The following DGKZ variants were observed in gnomAD, a reference collection of about 807,000 sequenced individuals.
DGKZ encodes the protein diacylglycerol kinase zeta, also known as DAG kinase zeta.
A neutral mutation model predicts 142.5 loss-of-function variants in DGKZ; 45 were observed. The ratio of observed to expected loss-of-function variants is 0.32; its 90% CI spans 0.25 to 0.40. DGKZ has a LOEUF of 0.40. DGKZ is among the 10% of genes least tolerant of loss of function. The pLI is 1.00. For missense variants in DGKZ, 755 were observed against 1,306.5 expected, an observed-to-expected ratio of 0.58 and a Z score of 6.51; for synonymous variants, 442 against 527.0, an observed-to-expected ratio of 0.84 and a Z score of 2.21.
intron 1 of DGKZ, among the ~76,000 whole-genome samples, chr11:46,363,736 C>T (rs1942946224): frequency 6.6e-6 from 1 of 152,254 alleles, no homozygotes; most frequent in Non-Finnish European, 1.5e-5. Context: ...TGACTAATCT[C>T]CTCCAGGCTG....
At position 46,347,576 on chromosome 11, in the gene DGKZ, C is replaced by T. The variant is rs1236505731; in HGVS notation, c.-84C>T. 9.2e-6 allele frequency: 10 copies of T among 1,092,528 alleles called. No individual in the cohort carries two copies. The highest frequency in any genetic ancestry group is 5.3e-5 in the East Asian group (1 of 19,004). 67.7% of individuals were successfully genotyped at this position (1,092,528 alleles called of 1,614,324 possible). A position where few individuals can be genotyped will look rare whatever the true frequency, so the allele number is the denominator to read the frequency against. ...CGCGCGCCATGGAGGTGGCGGGCGG[C>T]GCGGAGCGGGCGTGCTGAGCCCCGG... On this transcript the variant is annotated 5_prime_UTR_variant, in exon 1 of 31. Coordinates refer to ENST00000527911, the Ensembl canonical transcript of DGKZ. The surrounding 1 kb of genome is among the most constrained non-coding windows in gnomAD (Gnocchi z 6.4).
intron 1 of DGKZ, chr11:46,365,922 G>C (rs1315991641): frequency 1.0e-6 from 1 of 985,328 alleles, no homozygotes; most frequent in African/African-American, 1.7e-5. Context: ...GTGCCTGGAT[G>C]GGGGAAGAAG....
chr11:46,364,958 T>C lies in DGKZ; in HGVS notation c.162-2333T>C, dbSNP rs114884729. ...CAGGACCAGGGCCCAGGAGATCACCTGCTGTGGGGCACAGGTGGCCTCAGG... is the reference window on the plus strand; with the variant it reads ...CAGGACCAGGGCCCAGGAGATCACCCGCTGTGGGGCACAGGTGGCCTCAGG... On this transcript the variant is annotated intron_variant, in intron 1 of 30. Transcript: ENST00000527911. The C allele has an allele frequency of 1.6e-3, 1,609 of 985,434 alleles. 12 individuals are homozygous for C. The African/African-American group carries it at 0.027, about 16-fold the overall frequency. 61.0% of individuals were successfully genotyped at this position (985,434 alleles called of 1,614,324 possible).
At chr11:46,348,893 A>G (rs1040408028) in intron 1 of DGKZ, among the ~76,000 whole-genome samples, 4 of 152,098 alleles carry the variant, frequency 2.6e-5, no homozygotes, top group Non-Finnish European at 5.9e-5. Context: ...CTGAACTCTG[A>G]CCACTTGGAG....
chr11:46,333,222 C>A, exon 1 of DGKZ: 2 of 1,236,946 alleles, frequency 1.6e-6, no homozygotes, highest in Non-Finnish European at 2.0e-6. Context: ...GAGACTCGAA[C>A]TTGAGCGGGT....
chr11:46,378,862 A>G (rs956385047), intron 27 of DGKZ, 129 bp from the exon 28 acceptor site: 1 of 1,394,046 alleles, frequency 7.2e-7, no homozygotes, highest in Non-Finnish European at 9.5e-7. Context: ...GAGGCAACTC[A>G]GGAGTAAGAT....
intron 1 of DGKZ, among the ~76,000 whole-genome samples, chr11:46,342,080 A>G (rs1940304487): frequency 6.6e-6 from 1 of 152,166 alleles, no homozygotes. Flanking sequence ...CAGGCCACAG[A>G]AAGTAGAACA....
chr11:46,347,392 G>A (rs895393982), upstream of DGKZ: 2 of 983,696 alleles, frequency 2.0e-6, no homozygotes, highest in Non-Finnish European at 2.4e-6. The surrounding 1 kb of genome is among the most constrained non-coding windows in gnomAD (Gnocchi z 6.4). Context: ...CCGTGCGGCC[G>A]AGGGGGCGTG....
Position 46,367,060 on chromosome 11 carries a change from C to T in DGKZ, c.162-231C>T, listed in dbSNP as rs1195502523. Reference sequence around the variant, plus strand: ...TGGCCTGGGCATGGGCCTTGAAGCTCTGCCTGGCTGAGGGTTCCCCACTTG... The same window carrying T: ...TGGCCTGGGCATGGGCCTTGAAGCTTTGCCTGGCTGAGGGTTCCCCACTTG... On this transcript the variant is annotated intron_variant, in intron 1 of 30. Coordinates refer to ENST00000527911, the Ensembl canonical transcript of DGKZ. The surrounding 1 kb of genome is among the most constrained non-coding windows in gnomAD (Gnocchi z 4.1). The T allele has an allele frequency of 1.4e-6, 2 of 1,455,150 alleles. No individual in the cohort carries two copies. Among genetic ancestry groups the T allele is most frequent in the Non-Finnish European group, 1.8e-6 (2 of 1,099,298 alleles). 90.1% of individuals were successfully genotyped at this position (1,455,150 alleles called of 1,614,324 possible). A position where few individuals can be genotyped will look rare whatever the true frequency, so the allele number is the denominator to read the frequency against.
rs745411275 is a variant in DGKZ, at chr11:46,366,700, C to T, written c.162-591C>T. On this transcript the variant is annotated intron_variant, in intron 1 of 30. Coordinates refer to ENST00000527911, the Ensembl canonical transcript of DGKZ. ...CACCAGGGCCACCCCCACCTCGGGGCGCCCAGCCGCTGTTGCCCCTACCCC... is the reference window on the plus strand; with the variant it reads ...CACCAGGGCCACCCCCACCTCGGGGTGCCCAGCCGCTGTTGCCCCTACCCC... 1.9e-6 allele frequency: 3 copies of T among 1,563,320 alleles called. No individual in the cohort carries two copies. The highest frequency in any genetic ancestry group is 1.4e-5 in the African/African-American group (1 of 73,682).
rs892007516 is a variant in DGKZ at position 46,348,150 on chromosome 11, C to G, written c.161+330C>G. Among the ~76,000 whole-genome samples, 9 of 152,276 alleles carry G rather than the reference C, an allele frequency of 5.9e-5. No homozygotes were observed. The East Asian group carries it at 1.7e-3, about 29-fold the overall frequency. ...AGCAGGAAGATGGAATCACCCCAGC[C>G]CCCGGCACAAGCAGGTTGGGCCCCC... On this transcript the variant is annotated intron_variant, in intron 1 of 30. Transcript: ENST00000527911.
chr11:46,372,631 G>A lies in DGKZ; in HGVS notation c.1025G>A (p.Arg342His), dbSNP rs780694855. 3.3e-5 allele frequency: 54 copies of A among 1,613,554 alleles called. No homozygotes were observed. Among genetic ancestry groups the A allele is most frequent in the Non-Finnish European group, 4.2e-5 (50 of 1,180,000 alleles). Residue 342 changes from arginine to histidine, a missense_variant, in exon 12 of 31, where the codon CGC (arginine) becomes CAC (histidine). This residue lies in a region of DGKZ where 191 missense variants were observed against 472.1 expected (regional missense o/e 0.40). Transcript: ENST00000527911. This position sits in a 1 kb window ranked among gnomAD's most constrained non-coding sequence, Gnocchi z 5.9. ...CATGAGCCCAGGCTGGAGATGTACCGCAAAGTGCACAACCTGCGGATCCTG... is the reference window on the plus strand; with the variant it reads ...CATGAGCCCAGGCTGGAGATGTACCACAAAGTGCACAACCTGCGGATCCTG...
upstream of DGKZ, chr11:46,345,213 T>C (rs1338310273): frequency 2.3e-6 from 3 of 1,292,976 alleles, no homozygotes; most frequent in Non-Finnish European, 2.9e-6. This position sits in a 1 kb window ranked among gnomAD's most constrained non-coding sequence, Gnocchi z 4.1. Context: ...TCCTGGCTGC[T>C]GGTCTGGGCT....
intron 5 of DGKZ, 139 bp downstream of exon 5, chr11:46,369,689 G>T (rs1565056971): frequency 1.7e-6 from 2 of 1,200,786 alleles, no homozygotes; most frequent in South Asian, 1.3e-5. Context: ...GGTCTGCCAT[G>T]CGGAGGCCTA....
chr11:46,359,079 G>A (rs1481678894), intron 1 of DGKZ, among the ~76,000 whole-genome samples: 2 of 152,064 alleles, frequency 1.3e-5, no homozygotes, highest in African/African-American at 4.8e-5. Context: ...GGAGGAGGTT[G>A]CAGTGAACTG....
At chr11:46,353,838 T>C (rs1941691988) in intron 1 of DGKZ, among the ~76,000 whole-genome samples, 2 of 152,226 alleles carry the variant, frequency 1.3e-5, no homozygotes, top group South Asian at 4.1e-4. Context: ...CTGCCAGGGA[T>C]GAGCCCATCT....
intron 16 of DGKZ, 58 bp downstream of exon 16, chr11:46,374,512 C>T (rs944718323): frequency 6.2e-7 from 1 of 1,613,194 alleles, no homozygotes; most frequent in Admixed American, 1.7e-5. Flanking sequence ...GTGCCCGTGC[C>T]CACCTGTGTC....
At chr11:46,378,312 C>T (rs1214089362) in intron 26 of DGKZ, 83 bp downstream of exon 26, 3 of 1,540,638 alleles carry the variant, frequency 1.9e-6, no homozygotes, top group Admixed American at 3.9e-5. Flanking sequence ...GGCCCAGACA[C>T]AGCCTTACAC....
intron 4 of DGKZ, chr11:46,369,031 AC>A (rs1252076533): frequency 4.4e-6 from 1 of 228,312 alleles, no homozygotes; most frequent in Non-Finnish European, 8.8e-6. Flanking sequence ...ACATGGTGAA[AC>A]CCCATCTCTA....
Sources: gnomAD v4.1 joint callset for allele counts (sites outside exome capture counted in the v4.1 genomes callset) on GRCh38, gnomAD v4.1.1 for gene constraint, gnomAD v4.1.1 regional missense constraint, Gnocchi (gnomAD v3.1) non-coding constraint, MANE v1.5 for transcripts, NCBI Gene and HGNC (gene_info 2026-07-23, HGNC 2026-07-21) for gene names.